The following XRCC4 variants were observed in gnomAD, a reference collection of about 807,000 sequenced individuals.
The protein encoded by XRCC4 is X-ray repair cross complementing 4, also known as DNA repair protein XRCC4.
A neutral mutation model predicts 39.1 loss-of-function variants in XRCC4; 28 were observed. That is an observed-to-expected ratio of 0.72 (90% CI 0.53 to 0.98). The LOEUF (loss-of-function observed/expected upper bound fraction) is 0.98, where lower values mean the gene tolerates loss of function less well. Among genes scored for constraint, XRCC4 ranks in the 50% least tolerant of loss-of-function variants. The pLI is 0.00. For synonymous variants in XRCC4, 123 were observed against 126.4 expected, an observed-to-expected ratio of 0.97 and a Z score of 0.18; for missense variants, 350 against 376.4, an observed-to-expected ratio of 0.93 and a Z score of 0.58.
chr5:83,182,294 G>GT (rs903092032), intron 3 of XRCC4, among the ~76,000 whole-genome samples: 6 of 152,072 alleles, frequency 3.9e-5, no homozygotes, highest in Non-Finnish European at 5.9e-5. Context: ...GGATCCAACT[G>GT]TTTTTTCTTC....
chr5:83,342,013 AG>A (rs1756775576), intron 7 of XRCC4, among the ~76,000 whole-genome samples: 2 of 152,212 alleles, frequency 1.3e-5, no homozygotes, highest in Admixed American at 1.3e-4. Flanking sequence ...CCTGTCTTAA[AG>A]GAATAACTTT....
intron 3 of XRCC4, among the ~76,000 whole-genome samples, chr5:83,132,035 C>T (rs7708124): frequency 0.48 from 73,646 of 151,902 alleles, 18,832 homozygotes; most frequent in African/African-American, 0.63. Context: ...TTCCTTTCCA[C>T]GTTTGGGGCT....
At chr5:83,085,925 A>C (rs1038730758) in intron 1 of XRCC4, among the ~76,000 whole-genome samples, 14 of 152,356 alleles carry the variant, frequency 9.2e-5, no homozygotes, top group African/African-American at 3.4e-4. Context: ...TTTTTGATGC[A>C]AAGTAGACAT....
chr5:83,307,685 T>C (rs1484279967), intron 7 of XRCC4, among the ~76,000 whole-genome samples: 3 of 152,016 alleles, frequency 2.0e-5, no homozygotes, highest in African/African-American at 7.2e-5. Context: ...AGCACAGAGA[T>C]AGAAAGAAAA....
chr5:83,374,400 T>A, the XRCC4 span, among the ~76,000 whole-genome samples: 1 of 152,322 alleles, frequency 6.6e-6, no homozygotes. Flanking sequence ...CGTTTTGCCT[T>A]CTGCCATGAT....
the XRCC4 span, among the ~76,000 whole-genome samples, chr5:83,372,437 A>G: frequency 6.6e-6 from 1 of 152,146 alleles, no homozygotes; most frequent in Non-Finnish European, 1.5e-5. Context: ...GATGTGCCCC[A>G]GGCCCTCCTC....
At chr5:83,189,207 G>A (rs1030354166) in intron 3 of XRCC4, among the ~76,000 whole-genome samples, 6 of 152,120 alleles carry the variant, frequency 3.9e-5, no homozygotes, top group African/African-American at 1.4e-4. Context: ...GACAACAATA[G>A]CATGAATATT....
chr5:83,177,073 C>T (rs115964990), intron 3 of XRCC4, among the ~76,000 whole-genome samples: 39 of 152,006 alleles, frequency 2.6e-4, no homozygotes, highest in African/African-American at 9.2e-4. Flanking sequence ...AGCAAATTAC[C>T]CCCTTATCAA....
chr5:83,132,402 T>C (rs1023504914), intron 3 of XRCC4, among the ~76,000 whole-genome samples: 4 of 152,156 alleles, frequency 2.6e-5, no homozygotes, highest in Non-Finnish European at 5.9e-5. Flanking sequence ...ACGTTGTCTG[T>C]ATTTCCTGAA....
chr5:83,362,316 A>AAAAC, the XRCC4 span, among the ~76,000 whole-genome samples: 4 of 146,042 alleles, frequency 2.7e-5, no homozygotes, highest in African/African-American at 1.1e-4. Context: ...AAAAAAAAAA[A>AAAAC]AACTATCTCA....
At chr5:83,190,924 T>C (rs944414911) in intron 3 of XRCC4, among the ~76,000 whole-genome samples, 1 of 152,234 alleles carries the variant, frequency 6.6e-6, no homozygotes, top group African/African-American at 2.4e-5. Context: ...AACCCTGTCA[T>C]GTCTTTATTT....
intron 7 of XRCC4, among the ~76,000 whole-genome samples, chr5:83,301,934 A>ATATC (rs1755298898): frequency 1.3e-5 from 2 of 152,016 alleles, no homozygotes; most frequent in Middle Eastern, 3.2e-3. Context: ...ATTGGTCTGT[A>ATATC]TATCTATTTT....
intron 7 of XRCC4, among the ~76,000 whole-genome samples, chr5:83,314,369 A>C (rs888055890): frequency 1.3e-5 from 2 of 152,206 alleles, no homozygotes; most frequent in African/African-American, 4.8e-5. Context: ...AAATTGACAT[A>C]GGATGTATAT....
downstream of XRCC4, among the ~76,000 whole-genome samples, chr5:83,356,300 T>C (rs1379723829): frequency 6.6e-6 from 1 of 152,072 alleles, no homozygotes; most frequent in East Asian, 1.9e-4. Flanking sequence ...AAAATTAGTA[T>C]ACAACTGTAT....
At chr5:83,112,213 A>G (rs1746476091) in intron 3 of XRCC4, among the ~76,000 whole-genome samples, 1 of 152,212 alleles carries the variant, frequency 6.6e-6, no homozygotes, top group South Asian at 2.1e-4. Flanking sequence ...ATGGTAATTT[A>G]AAATAGGTTC....
chr5:83,371,308 AC>A, the XRCC4 span, among the ~76,000 whole-genome samples: 1 of 152,142 alleles, frequency 6.6e-6, no homozygotes, highest in South Asian at 2.1e-4. Flanking sequence ...TCACTAGAAC[AC>A]TTAGCACATT....
At chr5:83,290,792 A>T (rs1754897627) in intron 7 of XRCC4, among the ~76,000 whole-genome samples, 2 of 151,946 alleles carry the variant, frequency 1.3e-5, no homozygotes, top group South Asian at 2.1e-4. Context: ...CTATGCAGAG[A>T]TCTGTAAAGT....
intron 1 of XRCC4, among the ~76,000 whole-genome samples, chr5:83,097,010 G>T (rs1258871996): frequency 6.6e-6 from 1 of 152,090 alleles, no homozygotes; most frequent in African/African-American, 2.4e-5. Flanking sequence ...TAAATTTTAG[G>T]TATAAATTTT....
intron 3 of XRCC4, among the ~76,000 whole-genome samples, chr5:83,145,080 A>G (rs1445118419): frequency 1.3e-5 from 2 of 152,104 alleles, no homozygotes; most frequent in Non-Finnish European, 1.5e-5. Flanking sequence ...TATTTTTAGT[A>G]GAGACGTGGT....
Sources: allele counts gnomAD v4.1 joint callset (sites outside exome capture counted in the v4.1 genomes callset), GRCh38; gene constraint gnomAD v4.1.1; transcripts MANE v1.5; gene names NCBI Gene and HGNC (gene_info 2026-07-23, HGNC 2026-07-21).